The following DLC1 variants were observed in gnomAD, a reference collection of about 807,000 sequenced individuals.
The protein encoded by DLC1 is rho GTPase-activating protein 7.
In DLC1, 54 loss-of-function variants were observed where a neutral mutation model predicts 140.3. The ratio of observed to expected loss-of-function variants is 0.38; its 90% CI spans 0.31 to 0.48. DLC1 has a LOEUF of 0.48. DLC1 is among the 20% of genes least tolerant of loss of function. DLC1 has a pLI of 0.96. For synonymous variants in DLC1, 986 were observed against 728.1 expected, an observed-to-expected ratio of 1.35 and a Z score of -5.70; for missense variants, 2,536 against 1,907.0, an observed-to-expected ratio of 1.33 and a Z score of -6.14.
chr8:13,601,898 A>C (rs1392315971), intron 1 of DLC1, among the ~76,000 whole-genome samples: 3 of 151,820 alleles, frequency 2.0e-5, no homozygotes, highest in Admixed American at 1.3e-4. Flanking sequence ...TTTTTCCATA[A>C]GTTGTTTTAA....
intron 1 of DLC1, among the ~76,000 whole-genome samples, chr8:13,542,729 A>G (rs1006856465): frequency 1.3e-5 from 2 of 151,900 alleles, no homozygotes; most frequent in Non-Finnish European, 2.9e-5. Flanking sequence ...TTATCCATAA[A>G]CGTTTTATAT....
At chr8:13,572,246 C>G (rs1441390966) in intron 1 of DLC1, among the ~76,000 whole-genome samples, 1 of 151,832 alleles carries the variant, frequency 6.6e-6, no homozygotes, top group Non-Finnish European at 1.5e-5. Context: ...CCTGCCACCA[C>G]GCCCAGCTAA....
chr8:13,302,726 A>C (rs1483770679), intron 5 of DLC1, among the ~76,000 whole-genome samples: 1 of 151,764 alleles, frequency 6.6e-6, no homozygotes, highest in African/African-American at 2.4e-5. Flanking sequence ...AAAAAAAAAA[A>C]ATGACAGGCC....
chr8:13,603,627 C>G (rs1270593490), intron 1 of DLC1, among the ~76,000 whole-genome samples: 1 of 151,914 alleles, frequency 6.6e-6, no homozygotes, highest in Non-Finnish European at 1.5e-5. Flanking sequence ...TTAAATCTCC[C>G]CAGTATAAAC....
intron 1 of DLC1, among the ~76,000 whole-genome samples, chr8:13,529,578 C>G (rs1024884461): frequency 3.3e-5 from 5 of 152,094 alleles, no homozygotes; most frequent in African/African-American, 4.8e-5. Flanking sequence ...AAGGAGAATA[C>G]TTAGAAAATA....
rs1825737881 is a variant in DLC1, at chr8:13,175,949, T to C, written c.1349-60292A>G. ...TATAATTTTTTCATTTACAGAATGT[T>C]ATATAAACAGAGTCATATAGTATGT... On this transcript the variant is annotated intron_variant, in intron 5 of 17. Coordinates refer to ENST00000276297, the MANE Select transcript of DLC1 (RefSeq NM_182643.3). Among the ~76,000 whole-genome samples, 4 of 152,126 alleles carry C rather than the reference T, an allele frequency of 2.6e-5. No individual in the cohort carries two copies. In the South Asian group the frequency reaches 8.3e-4, roughly 31 times the overall value.
In DLC1 at chr8:13,431,996, T is replaced by C. The variant is rs77032411; in HGVS notation, c.1024-30377A>G. Among the ~76,000 whole-genome samples, 489 of 152,366 alleles carry C rather than the reference T, an allele frequency of 3.2e-3. 12 individuals are homozygous for C. The South Asian group carries it at 0.059, about 19-fold the overall frequency. On this transcript the variant is annotated intron_variant, in intron 2 of 17. Coordinates refer to ENST00000276297, the MANE Select transcript of DLC1 (RefSeq NM_182643.3). Reference sequence around the variant, plus strand: ...CATTTTATCACAACTCTTGTATTTGTTTATATTCATGCCAGTGGTTTTCTG... The same window carrying C: ...CATTTTATCACAACTCTTGTATTTGCTTATATTCATGCCAGTGGTTTTCTG...
chr8:13,276,612 G>C lies in DLC1; in HGVS notation c.1348+28657C>G, dbSNP rs539412068. The C allele has an allele frequency of 3.2e-5, 40 of 1,233,366 alleles. No individual in the cohort carries two copies. The East Asian group carries it at 1.0e-3, about 31-fold the overall frequency. The allele number at this position is 1,233,366 out of a possible 1,614,324, so 76.4% of individuals were successfully genotyped here. ...CCACATCTGGAAAGACTTACCCTGC[G>C]CCGGCGACACCCTCGCGGGGCGCGC... On this transcript the variant is annotated intron_variant, in intron 5 of 17. Transcript: ENST00000276297.
Position 13,412,764 on chromosome 8 carries a change from G to C in DLC1, c.1024-11145C>G, listed in dbSNP as rs372611128. On this transcript the variant is annotated intron_variant, in intron 2 of 17. Coordinates refer to ENST00000276297, the MANE Select transcript of DLC1 (RefSeq NM_182643.3). ...TGGCTAACACGGTGAAACCCCGTCT[G>C]TACTAAAAATACAAAAAATTAGCCG... 9.2e-5 allele frequency among the ~76,000 whole-genome samples: 14 copies of C among 151,834 alleles called. No individual in the cohort carries two copies. In the East Asian group the frequency reaches 1.9e-3, roughly 21 times the overall value.
intron 1 of DLC1, among the ~76,000 whole-genome samples, chr8:13,583,087 G>A (rs7817022): frequency 0.34 from 50,654 of 151,176 alleles, 9,504 homozygotes; most frequent in South Asian, 0.53. Flanking sequence ...GGTGGTGGCC[G>A]AAAGTTGAGG....
chr8:13,178,081 T>C (rs188752356), intron 5 of DLC1, among the ~76,000 whole-genome samples: 52 of 152,278 alleles, frequency 3.4e-4, no homozygotes, highest in Middle Eastern at 6.8e-3. Flanking sequence ...GGGTCAATCA[T>C]ATATCTGTAT....
Position 13,429,319 on chromosome 8 carries a change from T to G in DLC1, c.1024-27700A>C, listed in dbSNP as rs544193048. On this transcript the variant is annotated intron_variant, in intron 2 of 17. Coordinates refer to ENST00000276297, the MANE Select transcript of DLC1 (RefSeq NM_182643.3). ...TTTGAAAACCAGTGATGTAGAGCAG[T>G]GATTTAAAATAGAAGTGCATAGAAG... 2.6e-5 allele frequency among the ~76,000 whole-genome samples: 4 copies of G among 152,196 alleles called. No individual in the cohort carries two copies. The East Asian group carries it at 7.7e-4, about 29-fold the overall frequency.
At chr8:13,545,433 G>A (rs1158382335) in intron 1 of DLC1, among the ~76,000 whole-genome samples, 1 of 151,838 alleles carries the variant, frequency 6.6e-6, no homozygotes, top group Non-Finnish European at 1.5e-5. Flanking sequence ...CATCTTTGCC[G>A]GCCAATATTC....
chr8:13,473,519 G>C (rs928335913), intron 2 of DLC1, among the ~76,000 whole-genome samples: 3 of 152,238 alleles, frequency 2.0e-5, no homozygotes, highest in Admixed American at 2.0e-4. Context: ...CCAAAAATGT[G>C]GAAACATATT....
intron 5 of DLC1, among the ~76,000 whole-genome samples, chr8:13,144,562 G>C (rs142637338): frequency 1.3e-5 from 2 of 152,092 alleles, no homozygotes; most frequent in Non-Finnish European, 2.9e-5. Context: ...TCAGGAGATC[G>C]AGAACATCCT....
intron 1 of DLC1, chr8:13,567,214 G>A (rs1030766389): frequency 7.7e-6 from 12 of 1,551,454 alleles, no homozygotes; most frequent in African/African-American, 1.4e-5. Flanking sequence ...TGAGCTTTTG[G>A]ACTATAAAAA....
upstream of DLC1, among the ~76,000 whole-genome samples, chr8:13,518,244 G>T (rs189877641): frequency 1.2e-4 from 18 of 152,044 alleles, no homozygotes; most frequent in Admixed American, 1.2e-3. Context: ...GACTAGCTGG[G>T]ATTACAGATG....
intron 7 of DLC1, among the ~76,000 whole-genome samples, chr8:13,105,444 C>A (rs1819482762): frequency 6.6e-6 from 1 of 152,126 alleles, no homozygotes; most frequent in African/African-American, 2.4e-5. Flanking sequence ...ATCTTCCCAA[C>A]GACCCTATGG....
At chr8:13,154,168 C>G (rs915606804) in intron 5 of DLC1, among the ~76,000 whole-genome samples, 4 of 152,250 alleles carry the variant, frequency 2.6e-5, no homozygotes, top group African/African-American at 7.2e-5. Flanking sequence ...AGAAGCCCAG[C>G]TGGCTTCCCC....
Sources: gnomAD v4.1 joint callset for allele counts (sites outside exome capture counted in the v4.1 genomes callset) on GRCh38, gnomAD v4.1.1 for gene constraint, MANE v1.5 for transcripts, NCBI Gene and HGNC (gene_info 2026-07-23, HGNC 2026-07-21) for gene names.